The following FHIP1A variants were observed in gnomAD, a reference collection of about 807,000 sequenced individuals.
The protein encoded by FHIP1A is FHF complex subunit HOOK-interacting protein 1A.
FHIP1A carries 61 observed loss-of-function variants against 88.6 expected under a neutral mutation model. The observed-to-expected ratio is 0.69, with a 90% CI of 0.56 to 0.85. FHIP1A has a LOEUF of 0.85. Among genes scored for constraint, FHIP1A ranks in the 40% least tolerant of loss-of-function variants. The pLI, the probability that FHIP1A is intolerant of heterozygous loss-of-function variation, is 0.00. For missense variants in FHIP1A, 1,154 were observed against 1,273.5 expected (o/e 0.91, Z 1.43); for synonymous variants, 478 against 496.0 (o/e 0.96, Z 0.48).
chr4:151,452,641 GT>G (rs1399457698), intron 1 of FHIP1A, among the ~76,000 whole-genome samples: 1 of 152,042 alleles, frequency 6.6e-6, no homozygotes, highest in Non-Finnish European at 1.5e-5. Context: ...GCTGGGTGTG[GT>G]GGCTCATGCC....
intron 7 of FHIP1A, among the ~76,000 whole-genome samples, chr4:151,625,082 C>T (rs113482091): frequency 2.7e-4 from 41 of 152,286 alleles, no homozygotes; most frequent in Admixed American, 6.5e-4. Flanking sequence ...TGGCTTGGCT[C>T]TCTCTGGCAG....
intron 3 of FHIP1A, among the ~76,000 whole-genome samples, chr4:151,495,934 T>C (rs1467513452): frequency 1.3e-5 from 2 of 152,158 alleles, no homozygotes; most frequent in Non-Finnish European, 2.9e-5. Flanking sequence ...ATATATTCTT[T>C]TCTTACAATG....
chr4:151,587,353 A>G (rs1734258498), intron 6 of FHIP1A, among the ~76,000 whole-genome samples: 1 of 152,134 alleles, frequency 6.6e-6, no homozygotes, highest in African/African-American at 2.4e-5. Flanking sequence ...TTAGATTTTT[A>G]CCTTTAGATT....
intron 13 of FHIP1A, among the ~76,000 whole-genome samples, chr4:151,660,001 G>A (rs1276069090): frequency 6.6e-6 from 1 of 152,190 alleles, no homozygotes; most frequent in Non-Finnish European, 1.5e-5. Flanking sequence ...TATATTCAGA[G>A]CCCTTTTACT....
chr4:151,414,804 C>T lies in FHIP1A; in HGVS notation c.-356+5339C>T, dbSNP rs1046307806. Among the ~76,000 whole-genome samples the T allele has an allele frequency of 1.6e-4, 25 of 152,086 alleles. 1 individual carries two copies. Among genetic ancestry groups the T allele is most frequent in the Admixed American group, 1.2e-3 (18 of 15,268 alleles). ...CTTTTCTTTATAAATATGATTTTCT[C>T]CTACTTCCTTTCCAATTATATCACT... On this transcript the variant is annotated intron_variant, in intron 1 of 13. Coordinates refer to ENST00000435205, the MANE Select transcript of FHIP1A (RefSeq NM_001109977.3).
At chr4:151,523,093 T>TA (rs1731504493) in intron 3 of FHIP1A, among the ~76,000 whole-genome samples, 1 of 152,210 alleles carries the variant, frequency 6.6e-6, no homozygotes, top group Admixed American at 6.5e-5. Flanking sequence ...GCTATGGTAA[T>TA]ACATTTGGTT....
chr4:151,410,860 G>A (rs1732609688), intron 1 of FHIP1A, among the ~76,000 whole-genome samples: 1 of 152,238 alleles, frequency 6.6e-6, no homozygotes, highest in African/African-American at 2.4e-5. Flanking sequence ...GAGCTCATAA[G>A]AATTATGTCC....
chr4:151,578,123 C>T (rs758822978), intron 5 of FHIP1A, 47 bp downstream of exon 5: 4 of 1,490,952 alleles, frequency 2.7e-6, no homozygotes, highest in South Asian at 2.5e-5. Flanking sequence ...CCTTTTTTCT[C>T]TTCTGTTGCT....
chr4:151,538,095 A>C (rs2126722843), intron 3 of FHIP1A, among the ~76,000 whole-genome samples: 1 of 152,302 alleles, frequency 6.6e-6, no homozygotes, highest in African/African-American at 2.4e-5. Context: ...AGGGGTTTGT[A>C]TTTCATGTTG....
At chr4:151,509,758 T>TG (rs1285770497) in intron 3 of FHIP1A, among the ~76,000 whole-genome samples, 2 of 127,568 alleles carry the variant, frequency 1.6e-5, no homozygotes, top group African/African-American at 6.0e-5. Context: ...TGTCTCTATG[T>TG]TTGTGTGTGT....
At chr4:151,414,176 G>A (rs1732794922) in intron 1 of FHIP1A, among the ~76,000 whole-genome samples, 1 of 151,790 alleles carries the variant, frequency 6.6e-6, no homozygotes, top group African/African-American at 2.4e-5. Flanking sequence ...TTAGCCTCCC[G>A]AGTAGCTGGG....
intron 3 of FHIP1A, among the ~76,000 whole-genome samples, chr4:151,536,070 G>A (rs565065647): frequency 1.8e-4 from 28 of 152,290 alleles, no homozygotes; most frequent in African/African-American, 5.1e-4. Flanking sequence ...CCCGGTGAAA[G>A]AATGCACTGT....
At chr4:151,438,132 T>A (rs1280572801) in intron 1 of FHIP1A, among the ~76,000 whole-genome samples, 1 of 152,004 alleles carries the variant, frequency 6.6e-6, no homozygotes, top group Non-Finnish European at 1.5e-5. Context: ...ATGTGTTTAT[T>A]AAGATTTACA....
chr4:151,620,809 C>T (rs375278028), intron 7 of FHIP1A, among the ~76,000 whole-genome samples: 2 of 145,470 alleles, frequency 1.4e-5, no homozygotes, highest in Admixed American at 6.9e-5. Flanking sequence ...TGGTACCAAA[C>T]GATTGGGTTC....
intron 7 of FHIP1A, 22 bp downstream of exon 7, chr4:151,588,948 T>A: frequency 7.0e-7 from 1 of 1,429,282 alleles, no homozygotes; most frequent in Non-Finnish European, 9.7e-7. Flanking sequence ...GCTCATGTAA[T>A]CTTCTGTCTC....
intron 1 of FHIP1A, among the ~76,000 whole-genome samples, chr4:151,447,549 A>T (rs1215693029): frequency 6.6e-6 from 1 of 152,114 alleles, no homozygotes; most frequent in Non-Finnish European, 1.5e-5. Flanking sequence ...CCCTCTGCCC[A>T]CTATCATTTA....
intron 3 of FHIP1A, among the ~76,000 whole-genome samples, chr4:151,489,098 G>A (rs145746941): frequency 3.9e-5 from 6 of 152,288 alleles, no homozygotes; most frequent in African/African-American, 1.4e-4. Flanking sequence ...CAAACTCTAC[G>A]TGAGTTCCCA....
intron 1 of FHIP1A, among the ~76,000 whole-genome samples, chr4:151,432,431 T>A (rs1002292875): frequency 5.9e-5 from 9 of 152,158 alleles, no homozygotes; most frequent in Admixed American, 3.3e-4. Flanking sequence ...GAGAATATAG[T>A]TGTGAACAAA....
intron 3 of FHIP1A, among the ~76,000 whole-genome samples, chr4:151,529,635 A>C (rs1307141000): frequency 6.6e-6 from 1 of 152,156 alleles, no homozygotes; most frequent in African/African-American, 2.4e-5. Context: ...GCTGCCCCCG[A>C]GCAGTGGTTG....
Sources: allele counts gnomAD v4.1 joint callset (sites outside exome capture counted in the v4.1 genomes callset), GRCh38; gene constraint gnomAD v4.1.1; transcripts MANE v1.5; gene names NCBI Gene and HGNC (gene_info 2026-07-23, HGNC 2026-07-21).